Variants in SHANK2 observed in about 807,000 individuals in gnomAD.
SHANK2 encodes the protein SH3 and multiple ankyrin repeat domains 2, also known as SH3 and multiple ankyrin repeat domains protein 2.
In SHANK2, 43 loss-of-function variants were observed where a neutral mutation model predicts 133.7. The ratio of observed to expected loss-of-function variants is 0.32; its 90% confidence interval spans 0.25 to 0.41. The LOEUF (loss-of-function observed/expected upper bound fraction) is 0.41. Ranked by LOEUF, SHANK2 falls within the 10% of genes least tolerant of loss-of-function variation. The pLI, the probability that SHANK2 is intolerant of heterozygous loss-of-function variation, is 1.00. For synonymous variants in SHANK2, 1,017 were observed against 952.8 expected (o/e 1.07, Z -1.24); for missense variants, 1,994 against 2,235.8 (o/e 0.89, Z 2.18).
At chr11:70,848,417 G>A (rs981990978) in intron 11 of SHANK2, among the ~76,000 whole-genome samples, 1 of 152,166 alleles carries the variant, frequency 6.6e-6, no homozygotes, top group Admixed American at 6.5e-5. Context: ...GAGCTCCACG[G>A]GACCCTGGAG....
At chr11:70,616,984 G>C (rs1251868678) in intron 17 of SHANK2, among the ~76,000 whole-genome samples, 8 of 152,172 alleles carry the variant, frequency 5.3e-5, no homozygotes, top group African/African-American at 1.9e-4. Context: ...GTCTGAGAGT[G>C]TGTTGTGTGT....
chr11:70,912,921 G>A (rs535481873), intron 10 of SHANK2, among the ~76,000 whole-genome samples: 3 of 152,004 alleles, frequency 2.0e-5, no homozygotes, highest in African/African-American at 4.8e-5. Context: ...TCTGAGACAG[G>A]AACAAAAATT....
At chr11:70,824,153 C>T (rs1200753519) in intron 11 of SHANK2, among the ~76,000 whole-genome samples, 8 of 151,830 alleles carry the variant, frequency 5.3e-5, no homozygotes, top group South Asian at 2.1e-4. Flanking sequence ...GCAGAGCTCA[C>T]GGGAGACAGT....
intron 14 of SHANK2, among the ~76,000 whole-genome samples, chr11:70,712,636 C>T (rs1410665490): frequency 6.6e-6 from 1 of 152,234 alleles, no homozygotes; most frequent in Non-Finnish European, 1.5e-5. Context: ...TATGGTGAGC[C>T]CTAGGGCGGG....
chr11:70,517,983 C>A (rs1232739461), intron 17 of SHANK2, among the ~76,000 whole-genome samples: 1 of 152,150 alleles, frequency 6.6e-6, no homozygotes, highest in Non-Finnish European at 1.5e-5. Context: ...CAAGTCGGTA[C>A]TTTTCACTCA....
At chr11:71,238,891 A>T (rs1176148026) in intron 1 of SHANK2, among the ~76,000 whole-genome samples, 1 of 152,228 alleles carries the variant, frequency 6.6e-6, no homozygotes, top group African/African-American at 2.4e-5. Context: ...GACTTCATTC[A>T]TGGGAAGATG....
At chr11:70,783,136 A>G (rs1322452371) in intron 14 of SHANK2, among the ~76,000 whole-genome samples, 3 of 152,146 alleles carry the variant, frequency 2.0e-5, no homozygotes, top group Non-Finnish European at 4.4e-5. Context: ...CTTCCCAGAA[A>G]TGGCCATGCT....
At chr11:70,955,140 G>A (rs893877724) in intron 10 of SHANK2, among the ~76,000 whole-genome samples, 6 of 152,262 alleles carry the variant, frequency 3.9e-5, no homozygotes, top group African/African-American at 4.8e-5. Flanking sequence ...CATTCTGAAC[G>A]TCTCTCATTG....
At chr11:70,508,835 G>A (rs1340926159) in intron 17 of SHANK2, among the ~76,000 whole-genome samples, 1 of 152,226 alleles carries the variant, frequency 6.6e-6, no homozygotes, top group Admixed American at 6.5e-5. Flanking sequence ...ACTGCAATGA[G>A]CCATGATTGT....
rs969330651 is a variant in SHANK2, at chr11:70,869,828, C to T, written c.1174+26673G>A. Among the ~76,000 whole-genome samples the T allele has an allele frequency of 3.9e-5, 6 of 152,262 alleles. No individual in the cohort carries two copies. In the South Asian group the frequency reaches 6.2e-4, roughly 16 times the overall value. The stretch of plus-strand genomic sequence containing the variant: ...AACTGACACTGTGGTCACTTACTGC[C>T]GCACTGGGTGCTCAGTCGCCGCTGG... On this transcript the variant is annotated intron_variant, in intron 11 of 25. Coordinates refer to ENST00000601538, the MANE Select transcript of SHANK2 (RefSeq NM_012309.5).
At chr11:70,928,458 T>C (rs536213333) in intron 10 of SHANK2, among the ~76,000 whole-genome samples, 1 of 152,298 alleles carries the variant, frequency 6.6e-6, no homozygotes, top group South Asian at 2.1e-4. Flanking sequence ...AAACAGAGCA[T>C]GGTTGCCAGA....
intron 1 of SHANK2, among the ~76,000 whole-genome samples, chr11:71,232,670 T>C (rs1022194621): frequency 1.3e-5 from 2 of 152,242 alleles, no homozygotes; most frequent in African/African-American, 4.8e-5. Context: ...TTTATGATTC[T>C]CTTAGTAACA....
At chr11:70,599,278 A>T (rs149030101) in intron 17 of SHANK2, among the ~76,000 whole-genome samples, 89 of 152,274 alleles carry the variant, frequency 5.8e-4, no homozygotes, top group African/African-American at 2.1e-3. Context: ...GGTTTTGCAG[A>T]AGCTCTTTGT....
intron 10 of SHANK2, among the ~76,000 whole-genome samples, chr11:70,941,078 C>A (rs1357650920): frequency 6.6e-6 from 1 of 152,076 alleles, no homozygotes; most frequent in East Asian, 1.9e-4. Flanking sequence ...TCTGATAGTC[C>A]CCAATTTCAA....
Position 70,486,493 on chromosome 11 carries a change from T to C in SHANK2, c.3800A>G (p.Gln1267Arg). The change falls in exon 25 of 26, where the codon CAG (glutamine) becomes CGG (arginine). Residue 1267 changes from glutamine (Q) to arginine (R), a missense_variant. Coordinates refer to ENST00000601538, the MANE Select transcript of SHANK2 (RefSeq NM_012309.5). This position sits in a 1 kb window ranked among gnomAD's most constrained non-coding sequence, Gnocchi z 8.0. ...CCGCCTCAGGGGTCCCCGGGTGTTC[T>C]GCCTGGTGACCGTAGGGAAGCCGGC... is the stretch of plus-strand genomic sequence containing the variant. ...LDAGFPTVTR[Q>R]NTRGPLRRQE... 1.2e-6 allele frequency: 2 copies of C among 1,614,164 alleles called. No homozygotes were observed. The highest frequency in any genetic ancestry group is 1.7e-6 in the Non-Finnish European group (2 of 1,180,028).
intron 14 of SHANK2, among the ~76,000 whole-genome samples, chr11:70,749,067 T>C (rs1438791303): frequency 2.6e-5 from 4 of 152,158 alleles, no homozygotes; most frequent in Admixed American, 2.0e-4. Context: ...AGGTGTTAGT[T>C]TGCATTTCAT....
At position 70,683,006 on chromosome 11, in the gene SHANK2, G is replaced by A. The variant is rs1945060486; in HGVS notation, c.1853+15682C>T. ...GGCAAAGCTGGGACGTGGCCGAGAGGGTTGGTGTGACCGCTGAGCCACATC... is the reference window on the plus strand; with the variant it reads ...GGCAAAGCTGGGACGTGGCCGAGAGAGTTGGTGTGACCGCTGAGCCACATC... On this transcript the variant is annotated intron_variant, in intron 15 of 25. Coordinates refer to ENST00000601538, the MANE Select transcript of SHANK2 (RefSeq NM_012309.5). 2.0e-5 allele frequency among the ~76,000 whole-genome samples: 3 copies of A among 152,088 alleles called. No homozygotes were observed. The South Asian group carries it at 6.2e-4, about 32-fold the overall frequency.
rs1057011952 is a variant in SHANK2 at position 71,087,588 on chromosome 11, G to A, written c.912+4834C>T. Reference sequence around the variant, plus strand: ...AAATTCAAGCAGGCATTCTCACAGAGAACAAGCGAGCTTCGGGTCCCATAC... The same window carrying A: ...AAATTCAAGCAGGCATTCTCACAGAAAACAAGCGAGCTTCGGGTCCCATAC... On this transcript the variant is annotated intron_variant, in intron 8 of 25. Transcript: ENST00000601538. Among the ~76,000 whole-genome samples, 7 of 152,294 alleles carry A rather than the reference G, an allele frequency of 4.6e-5. 1 individual carries two copies. In the South Asian group the frequency reaches 1.2e-3, roughly 27 times the overall value.
At chr11:70,532,329 T>C (rs1554973382) in intron 17 of SHANK2, among the ~76,000 whole-genome samples, 1 of 152,044 alleles carries the variant, frequency 6.6e-6, no homozygotes. Flanking sequence ...CTGGGGGTGG[T>C]GTTCAAGTCC....
Sources: gnomAD v4.1 joint callset for allele counts (sites outside exome capture counted in the v4.1 genomes callset) on GRCh38, gnomAD v4.1.1 for gene constraint, Gnocchi (gnomAD v3.1) non-coding constraint, MANE v1.5 for transcripts, NCBI Gene and HGNC (gene_info 2026-07-23, HGNC 2026-07-21) for gene names.